RIMBP2: variants seen among roughly 807,000 people sequenced by gnomAD.
The protein encoded by RIMBP2 is RIMS binding protein 2, also known as RIMS-binding protein 2.
Under a neutral mutation model 118.6 loss-of-function variants are expected in RIMBP2, and 48 were observed. That is an observed-to-expected ratio of 0.40 (90% CI 0.32 to 0.51). The LOEUF (loss-of-function observed/expected upper bound fraction) is 0.51, where lower values mean the gene tolerates loss of function less well. Ranked by LOEUF, RIMBP2 falls within the 20% of genes least tolerant of loss-of-function variation. The pLI, the probability that RIMBP2 is intolerant of heterozygous loss-of-function variation, is 0.41. For missense variants in RIMBP2, 1,551 were observed against 1,768.3 expected (o/e 0.88, Z 2.20); for synonymous variants, 762 against 742.9 (o/e 1.03, Z -0.42).
At chr12:130,653,160 G>A (rs1202607846) in intron 1 of RIMBP2, among the ~76,000 whole-genome samples, 4 of 152,174 alleles carry the variant, frequency 2.6e-5, no homozygotes, top group East Asian at 1.9e-4. Context: ...GAAGTCCCAC[G>A]TCTCAAGTCC....
intron 1 of RIMBP2, among the ~76,000 whole-genome samples, chr12:130,659,431 C>G (rs1336472824): frequency 6.8e-6 from 1 of 148,020 alleles, no homozygotes; most frequent in Non-Finnish European, 1.5e-5. Flanking sequence ...ATTAGCCAGG[C>G]GTGGTGGTGG....
intron 15 of RIMBP2, chr12:130,425,437 G>A (rs35394139): frequency 0.099 from 15,031 of 152,456 alleles, 862 homozygotes; most frequent in East Asian, 0.21. Context: ...GTGAAACCAC[G>A]CCATCCCCGG....
chr12:130,542,971 G>A (rs2054747242), intron 2 of RIMBP2, among the ~76,000 whole-genome samples: 1 of 152,208 alleles, frequency 6.6e-6, no homozygotes, highest in African/African-American at 2.4e-5. Flanking sequence ...TGGGGTTGGA[G>A]GGTTGCTGAC....
chr12:130,689,625 T>C (rs535118797), intron 1 of RIMBP2, among the ~76,000 whole-genome samples: 1 of 152,024 alleles, frequency 6.6e-6, no homozygotes, highest in African/African-American at 2.4e-5. Flanking sequence ...CTGCCTCTGA[T>C]CCCAAGGCTT....
At position 130,646,413 on chromosome 12, in the gene RIMBP2, CCCTCACCACTTCCCTCTCCACCTCCCTT is replaced by C. The variant is rs2141072001; in HGVS notation, c.-351-17985_-351-17958del. ...TCCCTCACCACCTGCCTCTCCACCT[CCCTCACCACTTCCCTCTCCACCTCCCTT>C]GCCACCTCCCTCGCCACCTCCCTCG... On this transcript the variant is annotated intron_variant, in intron 1 of 22. Transcript: ENST00000690449. 4.2e-5 allele frequency among the ~76,000 whole-genome samples: 5 copies of C among 120,186 alleles called. 1 individual carries two copies. Among genetic ancestry groups the C allele is most frequent in the Middle Eastern group, 3.9e-3 (1 of 254 alleles). The allele number at this position is 120,186 out of a possible 152,430, so 78.8% of individuals were successfully genotyped here.
intron 1 of RIMBP2, chr12:130,660,043 G>A (rs2063589663): frequency 8.7e-6 from 1 of 115,066 alleles, no homozygotes; most frequent in Non-Finnish European, 2.1e-5. Context: ...GGGTCACTCT[G>A]TCACCATGGC....
intron 2 of RIMBP2, among the ~76,000 whole-genome samples, chr12:130,611,434 A>G (rs2060541205): frequency 6.6e-6 from 1 of 152,216 alleles, no homozygotes; most frequent in Non-Finnish European, 1.5e-5. Context: ...CGCAGAAGCC[A>G]GGGCACCTGG....
intron 4 of RIMBP2, among the ~76,000 whole-genome samples, chr12:130,494,193 A>G (rs998913169): frequency 6.6e-6 from 1 of 152,098 alleles, no homozygotes; most frequent in Non-Finnish European, 1.5e-5. Context: ...AGCGGTTCAG[A>G]AGGACAGACC....
chr12:130,482,357 G>A (rs73152985), intron 4 of RIMBP2, among the ~76,000 whole-genome samples: 8,339 of 152,328 alleles, frequency 0.055, 299 homozygotes, highest in Middle Eastern at 0.1. Flanking sequence ...ACACAGAACA[G>A]GACAAACGTG....
chr12:130,403,429 A>G (rs2074849113), intron 21 of RIMBP2, among the ~76,000 whole-genome samples: 1 of 151,558 alleles, frequency 6.6e-6, no homozygotes, highest in Non-Finnish European at 1.5e-5. Context: ...AAACATGCAG[A>G]CAAATTAGAA....
At chr12:130,413,807 GCTGA>G (rs1031508836) in intron 18 of RIMBP2, among the ~76,000 whole-genome samples, 1 of 151,802 alleles carries the variant, frequency 6.6e-6, no homozygotes, top group Non-Finnish European at 1.5e-5. Flanking sequence ...CTGCCTGTCT[GCTGA>G]CTGACAAGTG....
intron 2 of RIMBP2, among the ~76,000 whole-genome samples, chr12:130,596,398 G>C (rs1341747372): frequency 6.7e-6 from 1 of 149,820 alleles, no homozygotes; most frequent in Non-Finnish European, 1.5e-5. Flanking sequence ...CCATTTCACA[G>C]GCGTTGAAAC....
At chr12:130,399,018 T>C in intron 22 of RIMBP2, 2 of 522,440 alleles carry the variant, frequency 3.8e-6, no homozygotes, top group African/African-American at 2.0e-5. Flanking sequence ...TCTTTTTTTT[T>C]TTTTAACCCC....
intron 2 of RIMBP2, among the ~76,000 whole-genome samples, chr12:130,554,554 T>C (rs1031918431): frequency 5.3e-5 from 8 of 149,976 alleles, no homozygotes; most frequent in Non-Finnish European, 1.0e-4. Context: ...GAATACAGAC[T>C]AAAAACAACA....
chr12:130,596,145 G>A (rs995616564), intron 2 of RIMBP2, among the ~76,000 whole-genome samples: 8 of 152,158 alleles, frequency 5.3e-5, no homozygotes, highest in Admixed American at 1.3e-4. Flanking sequence ...ATGTGCGCAC[G>A]GTTCCAACTA....
At chr12:130,609,429 T>C (rs2060378742) in intron 2 of RIMBP2, among the ~76,000 whole-genome samples, 1 of 131,132 alleles carries the variant, frequency 7.6e-6, no homozygotes, top group South Asian at 2.2e-4. Context: ...CTTGGTGATA[T>C]GGTCAGAGGG....
At chr12:130,615,276 C>CATATATATATATATATATATATATAT (rs202186208) in intron 2 of RIMBP2, among the ~76,000 whole-genome samples, 55 of 100,184 alleles carry the variant, frequency 5.5e-4, no homozygotes, top group East Asian at 1.6e-3. Flanking sequence ...AATACACATA[C>CATATATATATATATATATATATATAT]ATATATATAT....
At chr12:130,486,215 G>A (rs1053387960) in intron 4 of RIMBP2, among the ~76,000 whole-genome samples, 6 of 152,012 alleles carry the variant, frequency 3.9e-5, no homozygotes, top group Admixed American at 1.3e-4. Flanking sequence ...GGCCACTTTC[G>A]TGCCCTGACT....
intron 1 of RIMBP2, chr12:130,668,086 C>T (rs2064029951): frequency 1.3e-5 from 2 of 152,226 alleles, no homozygotes; most frequent in African/African-American, 4.8e-5. Context: ...CCGCTGCAAT[C>T]CCTGAAACCA....
Sources: gnomAD v4.1 joint callset for allele counts (sites outside exome capture counted in the v4.1 genomes callset) on GRCh38, gnomAD v4.1.1 for gene constraint, MANE v1.5 for transcripts, NCBI Gene and HGNC (gene_info 2026-07-23, HGNC 2026-07-21) for gene names.